Variants in LMNB2 observed in about 807,000 individuals in gnomAD.
LMNB2 encodes the protein lamin B2, also known as lamin-B2.
LMNB2 carries 17 observed loss-of-function variants against 69.3 expected under a neutral mutation model. The ratio of observed to expected loss-of-function variants is 0.25; its 90% CI spans 0.17 to 0.37. The LOEUF is 0.37. Among genes scored for constraint, LMNB2 ranks in the 10% least tolerant of loss-of-function variants. The probability of loss-of-function intolerance (pLI) is 1.00; values close to 1 mark genes in which losing one functional copy is unlikely to be tolerated. For missense variants in LMNB2, 789 were observed against 883.6 expected (o/e 0.89, Z 1.36); for synonymous variants, 397 against 389.3 (o/e 1.02, Z -0.23).
rs1313427384 is a variant in LMNB2 at position 2,434,429 on chromosome 19, C to T, written c.1068G>A (p.Lys356=). The T allele has an allele frequency of 1.8e-5, 29 of 1,613,408 alleles. No homozygotes were observed. The highest frequency in any genetic ancestry group is 2.7e-5 in the African/African-American group (2 of 74,946). ...RDKFRKMLDA[K]EQEMTEMRDV... is the part of the protein sequence containing the mutation. ...CCCGCATCTCCGTCATCTCCTGCTCCTTGGCGTCCAGCATCTTCCGGAACT... is the reference window on the plus strand; with the variant it reads ...CCCGCATCTCCGTCATCTCCTGCTCTTTGGCGTCCAGCATCTTCCGGAACT... Residue 356 remains lysine, a synonymous_variant, in exon 7 of 12, where the codon AAG becomes AAA. Transcript: ENST00000325327.
At chr19:2,444,368 A>G (rs1971930244) in intron 2 of LMNB2, 36 bp downstream of exon 2, 3 of 1,612,376 alleles carry the variant, frequency 1.9e-6, no homozygotes, top group Non-Finnish European at 2.5e-6. Context: ...TGGTGCCAGG[A>G]TCAGGGTGAC....
At chr19:2,451,769 G>A (rs935845773) in intron 1 of LMNB2, among the ~76,000 whole-genome samples, 2 of 152,186 alleles carry the variant, frequency 1.3e-5, no homozygotes, top group Non-Finnish European at 2.9e-5. Flanking sequence ...GGCTGGAGGA[G>A]GCCACGGTGG....
At position 2,428,938 on chromosome 19, in the gene LMNB2, G is replaced by C. The variant is rs1031461532; in HGVS notation, c.*1973C>G. 38 of 152,286 alleles carry C rather than the reference G, an allele frequency of 2.5e-4. 1 individual carries two copies. The highest frequency in any genetic ancestry group is 8.9e-4 in the African/African-American group (37 of 41,540). 9.4% of individuals were successfully genotyped at this position (152,286 alleles called of 1,614,324 possible). On this transcript the variant is annotated 3_prime_UTR_variant, in exon 12 of 12. Coordinates refer to ENST00000325327, the MANE Select transcript of LMNB2 (RefSeq NM_032737.4). ...GCTCCACCCAAGGCAAATGTAGGGT[G>C]GGGGGTTCTGTGGGCCTGGGGCGTG... is the stretch of plus-strand genomic sequence containing the variant.
chr19:2,451,892 A>C (rs1343498941), intron 1 of LMNB2, among the ~76,000 whole-genome samples: 1 of 151,052 alleles, frequency 6.6e-6, no homozygotes, highest in Non-Finnish European at 1.5e-5. Flanking sequence ...CGCCTCCGAG[A>C]CCCCCTCCAG....
rs748128658 is a variant in LMNB2, at chr19:2,435,175, C to A, written c.685-4G>T. ...GCCGCCGCGTCTCCCGCACCTCCTG[C>A]GGACCAAGGCTTCGTGACCCTCTGG... On this transcript the variant is annotated splice_region_variant and splice_polypyrimidine_tract_variant and intron_variant, in intron 4 of 11. Coordinates refer to ENST00000325327, the MANE Select transcript of LMNB2 (RefSeq NM_032737.4). 2.5e-6 allele frequency: 4 copies of A among 1,600,610 alleles called. No individual in the cohort carries two copies. The South Asian group carries it at 3.3e-5, about 13-fold the overall frequency.
At chr19:2,442,276 C>T (rs1317848641) in intron 2 of LMNB2, among the ~76,000 whole-genome samples, 1 of 151,910 alleles carries the variant, frequency 6.6e-6, no homozygotes, top group Non-Finnish European at 1.5e-5. Flanking sequence ...AGCAACATAG[C>T]GAGACCTCAT....
chr19:2,454,532 G>T (rs1257724954), intron 1 of LMNB2, among the ~76,000 whole-genome samples: 1 of 152,110 alleles, frequency 6.6e-6, no homozygotes, highest in Non-Finnish European at 1.5e-5. Flanking sequence ...GACCCAGAGA[G>T]GGTAAGCGAC....
intron 1 of LMNB2, among the ~76,000 whole-genome samples, chr19:2,450,468 C>T (rs1360749717): frequency 1.3e-5 from 2 of 151,938 alleles, no homozygotes; most frequent in Non-Finnish European, 2.9e-5. Flanking sequence ...GCAGGAGGAT[C>T]AGCCTGCCTC....
At chr19:2,436,862 CCAGGGCCTCTT>C (rs1448162697) in intron 4 of LMNB2, 1 of 152,930 alleles carries the variant, frequency 6.5e-6, no homozygotes. Flanking sequence ...GAGGGCCCCT[CCAGGGCCTCTT>C]CCCGGCCCCT....
chr19:2,454,886 C>T (rs1006155842), intron 1 of LMNB2, among the ~76,000 whole-genome samples: 1 of 152,102 alleles, frequency 6.6e-6, no homozygotes, highest in Non-Finnish European at 1.5e-5. Flanking sequence ...CAAGACACCC[C>T]GACCTCATGT....
rs1312810543 is a variant in LMNB2, at chr19:2,447,083, G to A, written c.265-2543C>T. Among the ~76,000 whole-genome samples, 1 of 139,792 alleles carries A rather than the reference G, an allele frequency of 7.2e-6. No individual in the cohort carries two copies. The highest frequency in any genetic ancestry group is 7.0e-5 in the Admixed American group (1 of 14,352). The allele number at this position is 139,792 out of a possible 152,430, so 91.7% of individuals were successfully genotyped here. On this transcript the variant is annotated intron_variant, in intron 1 of 11. Coordinates refer to ENST00000325327, the MANE Select transcript of LMNB2 (RefSeq NM_032737.4). The surrounding 1 kb of genome is among the most constrained non-coding windows in gnomAD (Gnocchi z 4.4). Reference sequence around the variant, plus strand: ...GGCATGAACCCGGGAGGTGGAACTTGCAGTGAGCCGAGATCGCACCACTGC... The same window carrying A: ...GGCATGAACCCGGGAGGTGGAACTTACAGTGAGCCGAGATCGCACCACTGC...
intron 4 of LMNB2, chr19:2,437,052 GC>G (rs540447845): frequency 6.5e-4 from 99 of 152,414 alleles, no homozygotes; most frequent in African/African-American, 1.6e-3. Flanking sequence ...CTCCTGTGGG[GC>G]CCCCCCCACT....
chr19:2,430,965 A>G lies in LMNB2; in HGVS notation c.1822-13T>C, dbSNP rs765266552. 2 of 1,606,400 alleles carry G rather than the reference A, an allele frequency of 1.2e-6. No individual in the cohort carries two copies. Among genetic ancestry groups the G allele is most frequent in the Admixed American group, 1.7e-5 (1 of 60,010 alleles). ...TCCTCGGGTCCCCCTGCAGGAAGGA[A>G]GGAAGGAAGGTCGGCCATGATCAGG... On this transcript the variant is annotated splice_polypyrimidine_tract_variant and intron_variant, in intron 11 of 11. Coordinates refer to ENST00000325327, the MANE Select transcript of LMNB2 (RefSeq NM_032737.4).
chr19:2,434,705 C>A, intron 6 of LMNB2, 83 bp downstream of exon 6: 1 of 1,532,764 alleles, frequency 6.5e-7, no homozygotes, highest in Middle Eastern at 2.2e-4. Context: ...GCCAAGAGGC[C>A]AGAGCCCCAC....
intron 4 of LMNB2, 39 bp downstream of exon 4, chr19:2,438,120 GCGTT>G: frequency 6.2e-7 from 1 of 1,611,152 alleles, no homozygotes; most frequent in Non-Finnish European, 8.5e-7. Context: ...GGTGGACTTT[GCGTT>G]TCCGCTGTGC....
chr19:2,438,819 C>T (rs893292274), intron 2 of LMNB2, among the ~76,000 whole-genome samples: 6 of 152,178 alleles, frequency 3.9e-5, no homozygotes, highest in South Asian at 2.1e-4. Context: ...GGACCCAGGA[C>T]GACCATTTGG....
In LMNB2 at chr19:2,435,188, C is replaced by T. The variant is rs373250635; in HGVS notation, c.685-17G>A. 6.9e-6 allele frequency: 11 copies of T among 1,599,066 alleles called. No individual in the cohort carries two copies. Among genetic ancestry groups the T allele is most frequent in the African/African-American group, 2.7e-5 (2 of 74,904 alleles). On this transcript the variant is annotated splice_polypyrimidine_tract_variant and intron_variant, in intron 4 of 11. Coordinates refer to ENST00000325327, the MANE Select transcript of LMNB2 (RefSeq NM_032737.4). Reference sequence around the variant, plus strand: ...CCGCACCTCCTGCGGACCAAGGCTTCGTGACCCTCTGGTCCCGCCTGGGCC... The same window carrying T: ...CCGCACCTCCTGCGGACCAAGGCTTTGTGACCCTCTGGTCCCGCCTGGGCC...
At chr19:2,451,423 C>G (rs77023139) in intron 1 of LMNB2, among the ~76,000 whole-genome samples, 2,945 of 152,286 alleles carry the variant, frequency 0.019, 111 homozygotes, top group African/African-American at 0.067. Context: ...GGTTCAGATG[C>G]AGACAGTCTG....
In LMNB2 at chr19:2,443,487, G is replaced by A. The variant is rs150568361; in HGVS notation, c.401+917C>T. On this transcript the variant is annotated intron_variant, in intron 2 of 11. Coordinates refer to ENST00000325327, the MANE Select transcript of LMNB2 (RefSeq NM_032737.4). The surrounding 1 kb of genome is among the most constrained non-coding windows in gnomAD (Gnocchi z 6.2). ...CTGGCTGCTGTCACCCCCGTACCAG[G>A]TGGCCGAGGTGCCACCCCTCCTGCC... Among the ~76,000 whole-genome samples the A allele has an allele frequency of 6.7e-6, 1 of 148,450 alleles. No homozygotes were observed. The highest frequency in any genetic ancestry group is 2.5e-5 in the African/African-American group (1 of 40,010).
Sources: allele counts gnomAD v4.1 joint callset (sites outside exome capture counted in the v4.1 genomes callset), GRCh38; gene constraint gnomAD v4.1.1; non-coding constraint Gnocchi (gnomAD v3.1); transcripts MANE v1.5; gene names NCBI Gene and HGNC (gene_info 2026-07-23, HGNC 2026-07-21).